The following EDA variants were observed in gnomAD, a reference collection of about 807,000 sequenced individuals.
EDA encodes ectodysplasin-A.
A neutral mutation model predicts 23.6 loss-of-function variants in EDA; 2 were observed. The observed-to-expected ratio is 0.08, with a 90% CI of 0.03 to 0.27. The LOEUF is 0.27. Among genes scored for constraint, EDA ranks in the 10% least tolerant of loss-of-function variants. EDA has a pLI of 1.00. For synonymous variants in EDA, 131 were observed against 132.0 expected (o/e 0.99, Z 0.05); for missense variants, 229 against 324.2 (o/e 0.71, Z 2.26).
chrX:69,950,016 G>A (rs1043056703), intron 1 of EDA, among the ~76,000 whole-genome samples: 2 of 95,851 alleles, frequency 2.1e-5, no homozygotes, highest in Non-Finnish European at 4.2e-5. Context: ...TTACCATTCA[G>A]GACATAGGCA....
intron 1 of EDA, among the ~76,000 whole-genome samples, chrX:69,643,868 G>A (rs1473803583): frequency 1.8e-5 from 2 of 111,288 alleles, no homozygotes; most frequent in Non-Finnish European, 3.8e-5. Context: ...ATAGGGAATC[G>A]TTTCCCCATT....
At chrX:69,827,196 A>G (rs2016466797) in intron 1 of EDA, among the ~76,000 whole-genome samples, 1 of 111,416 alleles carries the variant, frequency 9.0e-6, no homozygotes, top group African/African-American at 3.3e-5. Flanking sequence ...GCTCTTCTCA[A>G]GGAGTATCTT....
At chrX:69,649,490 A>G (rs1329959541) in intron 1 of EDA, among the ~76,000 whole-genome samples, 2 of 111,963 alleles carry the variant, frequency 1.8e-5, no homozygotes, top group Non-Finnish European at 3.8e-5. Flanking sequence ...TTTGGCTTAT[A>G]GCAAGCTTCC....
At chrX:70,018,160 A>C (rs779101983) in intron 2 of EDA, among the ~76,000 whole-genome samples, 1 of 111,981 alleles carries the variant, frequency 8.9e-6, no homozygotes, top group East Asian at 2.8e-4. Context: ...AAAGACCTCT[A>C]CACTGAGAAT....
At chrX:69,769,938 C>T (rs1408041268) in intron 1 of EDA, among the ~76,000 whole-genome samples, 2 of 111,034 alleles carry the variant, frequency 1.8e-5, no homozygotes, top group East Asian at 5.6e-4. Flanking sequence ...GGATTGAACT[C>T]ATAGCAATCA....
chrX:69,965,148 A>G (rs5936809), intron 2 of EDA, among the ~76,000 whole-genome samples: 36,540 of 110,647 alleles, frequency 0.33, 4,485 homozygotes, highest in African/African-American at 0.36. Context: ...TAAGTGTAAC[A>G]TCTGAGCTGC....
intron 1 of EDA, among the ~76,000 whole-genome samples, chrX:69,843,139 A>G (rs754140423): frequency 8.0e-5 from 9 of 112,427 alleles, no homozygotes; most frequent in Non-Finnish European, 1.5e-4. Context: ...TTTCTAGAAA[A>G]ATAAGGTGCA....
At chrX:69,892,172 T>C (rs953805737) in intron 1 of EDA, among the ~76,000 whole-genome samples, 2 of 112,064 alleles carry the variant, frequency 1.8e-5, no homozygotes, top group Non-Finnish European at 3.8e-5. Flanking sequence ...CTTTGACAAA[T>C]ACCTGCAAAT....
At chrX:69,810,296 A>C (rs1439383696) in intron 1 of EDA, among the ~76,000 whole-genome samples, 1 of 66,351 alleles carries the variant, frequency 1.5e-5, no homozygotes, top group Non-Finnish European at 2.7e-5. Context: ...AAAAAAAAAA[A>C]AAAAAAAGAT....
rs1328047619 is a variant in EDA at position 69,854,819 on chromosome X, A to G, written c.397-102208A>G. 6.2e-5 allele frequency among the ~76,000 whole-genome samples: 7 copies of G among 112,086 alleles called. 1 individual carries two copies. The Admixed American group carries it at 6.6e-4, about 11-fold the overall frequency. On this transcript the variant is annotated intron_variant, in intron 1 of 7. Transcript: ENST00000374552. ...ACAATTTATATTCCTTTGGGTATAT[A>G]CCCAGTAATGGGATTGCTGGGTCAA... is the stretch of plus-strand genomic sequence containing the variant.
chrX:69,942,977 T>C (rs767454221), intron 1 of EDA, among the ~76,000 whole-genome samples: 20 of 110,511 alleles, frequency 1.8e-4, no homozygotes, highest in Non-Finnish European at 3.0e-4. Flanking sequence ...ATTCTGCTAG[T>C]AAGAGACTCT....
chrX:69,866,965 T>C (rs1427419066), intron 1 of EDA, among the ~76,000 whole-genome samples: 1 of 112,242 alleles, frequency 8.9e-6, no homozygotes, highest in Non-Finnish European at 1.9e-5. Context: ...GGTAAACCCA[T>C]ATCTGGAGTA....
At chrX:69,998,544 A>G (rs376079735) in intron 2 of EDA, among the ~76,000 whole-genome samples, 269 of 111,987 alleles carry the variant, frequency 2.4e-3, no homozygotes, top group African/African-American at 8.0e-3. Flanking sequence ...AAGACTTTGG[A>G]GGACTGTTGG....
At position 69,664,596 on chromosome X, in the gene EDA, G is replaced by A. The variant is rs774137882; in HGVS notation, c.396+47892G>A. Among the ~76,000 whole-genome samples the A allele has an allele frequency of 3.6e-5, 4 of 112,003 alleles. No homozygotes were observed. In the South Asian group the frequency reaches 1.5e-3, roughly 42 times the overall value. On this transcript the variant is annotated intron_variant, in intron 1 of 7. Transcript: ENST00000374552. ...TCTGGCTTATTTCACTTAGCATAAT[G>A]TCCTCCAGGCTTATCCATGTTGTGG...
intron 1 of EDA, among the ~76,000 whole-genome samples, chrX:69,932,083 C>T (rs1460836784): frequency 2.7e-5 from 3 of 111,367 alleles, no homozygotes; most frequent in South Asian, 3.8e-4. Context: ...GAAAGAAGCC[C>T]GACAAAGTAT....
At chrX:69,701,366 G>C (rs1199050685) in intron 1 of EDA, among the ~76,000 whole-genome samples, 1 of 111,644 alleles carries the variant, frequency 9.0e-6, no homozygotes, top group Non-Finnish European at 1.9e-5. Context: ...CCTGGGTTTG[G>C]TCATTGTCTG....
rs3138864 is a variant in EDA at position 69,658,212 on chromosome X, TTGTGTGTGTGTG to T, written c.396+41536_396+41547del. Among the ~76,000 whole-genome samples, 10 of 90,907 alleles carry T rather than the reference TTGTGTGTGTGTG, an allele frequency of 1.1e-4. No individual in the cohort carries two copies. The South Asian group carries it at 5.5e-3, about 50-fold the overall frequency. The allele number at this position is 90,907 out of a possible 115,157, so 78.9% of individuals were successfully genotyped here. On this transcript the variant is annotated intron_variant, in intron 1 of 7. Coordinates refer to ENST00000374552, the MANE Select transcript of EDA (RefSeq NM_001399.5). ...CTTGGTTAGCTGTACTCCTAGGTAT[TTGTGTGTGTGTG>T]TGTGTGTGTGTGTGTGTGTGTGTGT...
rs775799046 is a variant in EDA at position 69,748,240 on chromosome X, A to AT, written c.396+131540dup. Among the ~76,000 whole-genome samples, 17 of 111,311 alleles carry AT rather than the reference A, an allele frequency of 1.5e-4. No individual in the cohort carries two copies. The South Asian group carries it at 5.0e-3, about 33-fold the overall frequency. ...GCCTTTGTTGTGATCAGGTACCTCA[A>AT]TTTTAATCCTCAGGCTGATGGAATC... On this transcript the variant is annotated intron_variant, in intron 1 of 7. Coordinates refer to ENST00000374552, the MANE Select transcript of EDA (RefSeq NM_001399.5).
chrX:69,661,065 G>A (rs1258210988), intron 1 of EDA, among the ~76,000 whole-genome samples: 1 of 110,525 alleles, frequency 9.0e-6, no homozygotes, highest in Non-Finnish European at 1.9e-5. Flanking sequence ...GTATCTCATG[G>A]TGGTTTTGAT....
Sources: allele counts gnomAD v4.1 joint callset (sites outside exome capture counted in the v4.1 genomes callset), GRCh38; gene constraint gnomAD v4.1.1; transcripts MANE v1.5; gene names NCBI Gene and HGNC (gene_info 2026-07-23, HGNC 2026-07-21).